The following SNTG2 variants were observed in gnomAD, a reference collection of about 807,000 sequenced individuals.
SNTG2 encodes the protein syntrophin gamma 2.
In SNTG2, 74 loss-of-function variants were observed where a neutral mutation model predicts 70.9. That is an observed-to-expected ratio of 1.04 (90% CI 0.86 to 1.27). The LOEUF is 1.27. Ranked by LOEUF, SNTG2 falls within the 50% of genes most tolerant of loss-of-function variation. SNTG2 has a pLI of 0.00. For synonymous variants in SNTG2, 278 were observed against 273.8 expected (o/e 1.02, Z -0.15); for missense variants, 717 against 690.7 (o/e 1.04, Z -0.43).
chr2:1,117,846 C>A (rs954425134), intron 4 of SNTG2, among the ~76,000 whole-genome samples: 1 of 152,210 alleles, frequency 6.6e-6, no homozygotes, highest in Non-Finnish European at 1.5e-5. Context: ...TCCTGCCATC[C>A]CTGAGTCACT....
At chr2:1,320,339 C>T (rs1681462231) in intron 16 of SNTG2, among the ~76,000 whole-genome samples, 1 of 151,762 alleles carries the variant, frequency 6.6e-6, no homozygotes, top group Non-Finnish European at 1.5e-5. Flanking sequence ...TCGAGACCAT[C>T]CTGGCTGACA....
At chr2:1,149,456 A>G (rs753943844) in intron 6 of SNTG2, among the ~76,000 whole-genome samples, 2 of 152,168 alleles carry the variant, frequency 1.3e-5, no homozygotes, top group African/African-American at 2.4e-5. Flanking sequence ...TTAAAACTCT[A>G]CTCAGGGTTT....
chr2:1,294,916 C>T (rs900728461), intron 14 of SNTG2, among the ~76,000 whole-genome samples: 2 of 152,196 alleles, frequency 1.3e-5, no homozygotes, highest in Admixed American at 1.3e-4. Flanking sequence ...CAGTTTACAG[C>T]CCAGGCACCC....
At chr2:1,197,087 C>T (rs1360049799) in intron 8 of SNTG2, among the ~76,000 whole-genome samples, 1 of 152,046 alleles carries the variant, frequency 6.6e-6, no homozygotes, top group Non-Finnish European at 1.5e-5. Context: ...AAACAATTAA[C>T]AAAATGACAG....
At chr2:1,229,672 G>C (rs372154867) in intron 9 of SNTG2, among the ~76,000 whole-genome samples, 16 of 152,290 alleles carry the variant, frequency 1.1e-4, no homozygotes, top group South Asian at 4.1e-4. Flanking sequence ...GGGGAGGCTC[G>C]GGCCGCACAG....
rs6744601 is a variant in SNTG2, at chr2:1,094,865, G to A, written c.211-3331G>A. 4.9e-4 allele frequency among the ~76,000 whole-genome samples: 20 copies of A among 41,142 alleles called. 2 individuals carry two copies. The highest frequency in any genetic ancestry group is 0.02 in the Middle Eastern group (1 of 50). The allele number at this position is 41,142 out of a possible 152,430, so 27.0% of individuals were successfully genotyped here. On this transcript the variant is annotated intron_variant, in intron 2 of 16. Transcript: ENST00000308624. The stretch of plus-strand genomic sequence containing the variant: ...TTACTGGCAAGGGCTGGCTTCCTGG[G>A]CTGCAGGCGAAGGCCTTATAGGTGT...
intron 16 of SNTG2, among the ~76,000 whole-genome samples, chr2:1,334,857 A>G (rs1230930577): frequency 1.3e-5 from 2 of 152,162 alleles, no homozygotes; most frequent in East Asian, 3.9e-4. Flanking sequence ...CATGGGTGAC[A>G]GGTGCACCAA....
At chr2:1,128,385 A>T (rs926408580) in intron 4 of SNTG2, among the ~76,000 whole-genome samples, 1 of 152,158 alleles carries the variant, frequency 6.6e-6, no homozygotes, top group African/African-American at 2.4e-5. Flanking sequence ...ATGAATACAT[A>T]AAAAAATTTG....
At chr2:1,139,542 A>G (rs1231944215) in intron 6 of SNTG2, among the ~76,000 whole-genome samples, 4 of 152,240 alleles carry the variant, frequency 2.6e-5, no homozygotes, top group East Asian at 3.9e-4. Flanking sequence ...GGCCACAACA[A>G]ATTTTTGCAC....
chr2:964,568 G>A (rs1252795050), intron 1 of SNTG2, among the ~76,000 whole-genome samples: 3 of 152,188 alleles, frequency 2.0e-5, no homozygotes, highest in African/African-American at 4.8e-5. Flanking sequence ...AGGAAGGGCT[G>A]GACAAGGGGC....
At chr2:1,135,485 C>T (rs953235854) in intron 4 of SNTG2, among the ~76,000 whole-genome samples, 1 of 152,126 alleles carries the variant, frequency 6.6e-6, no homozygotes, top group Non-Finnish European at 1.5e-5. Context: ...TTTGGGAGGC[C>T]GAGGCGGGCA....
chr2:1,180,760 C>T (rs1052370245), intron 8 of SNTG2, among the ~76,000 whole-genome samples: 5 of 151,694 alleles, frequency 3.3e-5, no homozygotes, highest in African/African-American at 1.2e-4. Flanking sequence ...TATAAAGACA[C>T]ATGCACACGT....
chr2:1,074,553 A>T (rs751557422), intron 1 of SNTG2, among the ~76,000 whole-genome samples: 2 of 152,210 alleles, frequency 1.3e-5, no homozygotes, highest in African/African-American at 4.8e-5. Context: ...CAGCATTTCA[A>T]TTCTATAAAA....
intron 1 of SNTG2, among the ~76,000 whole-genome samples, chr2:1,027,589 G>A: frequency 6.8e-6 from 1 of 148,126 alleles, no homozygotes; most frequent in East Asian, 2.0e-4. Context: ...ATCACTGAAG[G>A]TGCGTCTGGC....
At chr2:1,178,847 T>G (rs1420419430) in intron 8 of SNTG2, among the ~76,000 whole-genome samples, 1 of 152,222 alleles carries the variant, frequency 6.6e-6, no homozygotes. Flanking sequence ...TCCCTCTTTT[T>G]GTATTGACTG....
intron 6 of SNTG2, among the ~76,000 whole-genome samples, chr2:1,147,436 G>T (rs1007387160): frequency 6.6e-6 from 1 of 152,174 alleles, no homozygotes; most frequent in African/African-American, 2.4e-5. Flanking sequence ...GCCTAGATTG[G>T]CCTAGCCTCC....
rs547451171 is a variant in SNTG2, at chr2:1,193,197, C to T, written c.592-15906C>T. On this transcript the variant is annotated intron_variant, in intron 8 of 16. Coordinates refer to ENST00000308624, the MANE Select transcript of SNTG2 (RefSeq NM_018968.4). ...CTCTTTGTTCTGTTTCAAAGTTGCT[C>T]CTTAAAATAGGTGGCTCTGAAACGG... 5.3e-5 allele frequency among the ~76,000 whole-genome samples: 8 copies of T among 152,304 alleles called. No individual in the cohort carries two copies. The South Asian group carries it at 1.7e-3, about 32-fold the overall frequency.
At chr2:1,255,883 T>TATATAAATATATATATAAATATATATAA (rs1678058124) in intron 12 of SNTG2, among the ~76,000 whole-genome samples, 1 of 16,784 alleles carries the variant, frequency 6.0e-5, no homozygotes, top group Non-Finnish European at 1.1e-4. Context: ...AATATATATA[T>TATATAAATATATATATAAATATATATAA]AAATATATAT....
chr2:952,876 T>C (rs61647483), intron 1 of SNTG2, among the ~76,000 whole-genome samples: 5,984 of 152,310 alleles, frequency 0.039, 386 homozygotes, highest in African/African-American at 0.14. Flanking sequence ...ATGTTCTTAG[T>C]ATACAATGTC....
Sources: gnomAD v4.1 joint callset for allele counts (sites outside exome capture counted in the v4.1 genomes callset) on GRCh38, gnomAD v4.1.1 for gene constraint, MANE v1.5 for transcripts, NCBI Gene and HGNC (gene_info 2026-07-23, HGNC 2026-07-21) for gene names.